Variants in DNASE1 observed in about 807,000 individuals in gnomAD.
DNASE1 encodes deoxyribonuclease-1.
In DNASE1, 40 loss-of-function variants were observed where a neutral mutation model predicts 33.9. That is an observed-to-expected ratio of 1.18 (90% CI 0.92 to 1.54). DNASE1 has a LOEUF of 1.54. Ranked by LOEUF, DNASE1 falls within the 40% of genes most tolerant of loss-of-function variation. DNASE1 has a pLI of 0.00. For missense variants in DNASE1, 518 were observed against 372.6 expected (o/e 1.39, Z -3.21); for synonymous variants, 216 against 160.0 (o/e 1.35, Z -2.64).
intron 1 of DNASE1, among the ~76,000 whole-genome samples, chr16:3,648,707 G>A (rs1425379199): frequency 6.6e-6 from 1 of 152,198 alleles, no homozygotes; most frequent in Non-Finnish European, 1.5e-5. Flanking sequence ...ACAAACTTAA[G>A]AGTTTACTAT....
intron 1 of DNASE1, among the ~76,000 whole-genome samples, chr16:3,618,587 G>A (rs776623764): frequency 3.9e-5 from 6 of 152,122 alleles, no homozygotes; most frequent in East Asian, 3.8e-4. Flanking sequence ...AAAATTAGCC[G>A]GGCTTGGTGG....
At chr16:3,637,256 T>G (rs779998131) in intron 1 of DNASE1, among the ~76,000 whole-genome samples, 10 of 152,212 alleles carry the variant, frequency 6.6e-5, no homozygotes, top group South Asian at 2.1e-4. Context: ...TAAAATTTCC[T>G]CCTGGGTCTG....
chr16:3,664,005 GTGAGCCGAGATCGCACCAC>G (rs1423958782), exon 10 of DNASE1: 6 of 391,352 alleles, frequency 1.5e-5, no homozygotes, highest in African/African-American at 2.1e-5. Flanking sequence ...GGAAGTTGCA[GTGAGCCGAGATCGCACCAC>G]TGCACTCTAG....
upstream of DNASE1, among the ~76,000 whole-genome samples, chr16:3,642,518 C>T (rs2042053202): frequency 6.6e-6 from 1 of 152,128 alleles, no homozygotes; most frequent in African/African-American, 2.4e-5. Flanking sequence ...CCCTCTGACA[C>T]ACCTTTCATC....
intron 1 of DNASE1, among the ~76,000 whole-genome samples, chr16:3,621,008 C>G (rs1312787099): frequency 6.6e-6 from 1 of 152,106 alleles, no homozygotes; most frequent in Non-Finnish European, 1.5e-5. Flanking sequence ...CCATATTGAC[C>G]AGGCTGATCT....
At chr16:3,655,758 C>T (rs1567208845) in intron 2 of DNASE1, 91 bp from the exon 3 acceptor site, 2 of 1,526,340 alleles carry the variant, frequency 1.3e-6, no homozygotes, top group African/African-American at 2.7e-5. Flanking sequence ...CCGAGCAATG[C>T]CACGAGCATC....
upstream of DNASE1, among the ~76,000 whole-genome samples, chr16:3,639,209 C>T (rs2041961895): frequency 6.6e-6 from 1 of 152,202 alleles, no homozygotes; most frequent in African/African-American, 2.4e-5. Context: ...CTCCCTTGCC[C>T]CATGCTGGTC....
At chr16:3,659,790 C>A (rs1045991227), downstream of DNASE1, 1 of 152,112 alleles carries the variant, frequency 6.6e-6, no homozygotes, top group Non-Finnish European at 1.5e-5. Context: ...GACTCTCACT[C>A]CTTCACCCAA....
exon 10 of DNASE1, chr16:3,663,756 G>A: frequency 1.6e-6 from 1 of 639,190 alleles, no homozygotes; most frequent in Non-Finnish European, 2.7e-6. Flanking sequence ...CTGCCTTCAA[G>A]GCAGAAGCAC....
chr16:3,617,199 G>A (rs57240243), intron 1 of DNASE1, among the ~76,000 whole-genome samples: 1,567 of 151,372 alleles, frequency 0.01, 24 homozygotes, highest in African/African-American at 0.034. Flanking sequence ...GGTGGTGTGC[G>A]CCCGTAATCC....
At chr16:3,624,957 A>T (rs1032178530) in intron 1 of DNASE1, among the ~76,000 whole-genome samples, 2 of 152,146 alleles carry the variant, frequency 1.3e-5, no homozygotes, top group Admixed American at 1.3e-4. Context: ...CCAGCCTCTC[A>T]CAGTCTGAGA....
chr16:3,662,546 T>G (rs2043144210), downstream of DNASE1: 1 of 551,642 alleles, frequency 1.8e-6, no homozygotes, highest in African/African-American at 1.9e-5. Flanking sequence ...AGCACCCAAG[T>G]GAGCATGTGA....
chr16:3,656,207 G>A (rs1413344449), intron 4 of DNASE1, 22 bp downstream of exon 4: 28 of 1,612,766 alleles, frequency 1.7e-5, no homozygotes, highest in Admixed American at 5.0e-5. Context: ...AGAAAGCCAG[G>A]AAGCCCCTCC....
At chr16:3,624,255 TGAGACTCTGTCTCAAAAAA>T (rs1262329465) in intron 1 of DNASE1, among the ~76,000 whole-genome samples, 1 of 147,638 alleles carries the variant, frequency 6.8e-6, no homozygotes, top group Admixed American at 6.8e-5. Flanking sequence ...GGCGACAGAG[TGAGACTCTGTCTCAAAAAA>T]AAAAAAAAAA....
chr16:3,639,535 T>C (rs547177988), upstream of DNASE1, among the ~76,000 whole-genome samples: 544 of 152,318 alleles, frequency 3.6e-3, 12 homozygotes, highest in Non-Finnish European at 1.4e-3. Flanking sequence ...GTGCGTGCTT[T>C]TGATCACACC....
At chr16:3,619,377 T>G (rs547884886) in intron 1 of DNASE1, among the ~76,000 whole-genome samples, 1 of 150,196 alleles carries the variant, frequency 6.7e-6, no homozygotes, top group South Asian at 2.1e-4. Context: ...TTATTTTTTT[T>G]TGGAGACAGA....
chr16:3,639,015 G>T (rs551001613), upstream of DNASE1, among the ~76,000 whole-genome samples: 1 of 152,012 alleles, frequency 6.6e-6, no homozygotes, highest in Admixed American at 6.6e-5. Flanking sequence ...AATATATGCC[G>T]AACTATTGTC....
In DNASE1 at chr16:3,657,083, T is replaced by C; in HGVS notation, c.521T>C (p.Leu174Pro). The part of the protein sequence containing the change: ...AEIDALYDVY[L>P]DVQEKWGLED... The stretch of plus-strand genomic sequence containing the variant: ...ATCGACGCTCTCTATGACGTCTACC[T>C]GGATGTCCAAGAGAAATGGGGCTTG... The change falls in exon 6 of 9, where the codon CTG becomes CCG. Residue 174 changes from leucine to proline, a missense_variant. Coordinates refer to ENST00000246949, the MANE Select transcript of DNASE1 (RefSeq NM_005223.4). 6.2e-7 allele frequency: 1 copy of C among 1,614,084 alleles called. No homozygotes were observed. Among genetic ancestry groups the C allele is most frequent in the Non-Finnish European group, 8.5e-7 (1 of 1,179,998 alleles).
chr16:3,656,768 G>C lies in DNASE1; in HGVS notation c.436+15G>C, dbSNP rs745539359. The C allele has an allele frequency of 6.3e-7, 1 of 1,592,728 alleles. No homozygotes were observed. The highest frequency in any genetic ancestry group is 8.5e-7 in the Non-Finnish European group (1 of 1,169,886). ...CCGGTTCACAGGTGGGTGCTGCCTG[G>C]GCCAGGGTGGGGCTCGGCTTGGCGC... On this transcript the variant is annotated intron_variant, in intron 5 of 8. Coordinates refer to ENST00000246949, the MANE Select transcript of DNASE1 (RefSeq NM_005223.4).
Sources: gnomAD v4.1 joint callset for allele counts (sites outside exome capture counted in the v4.1 genomes callset) on GRCh38, gnomAD v4.1.1 for gene constraint, MANE v1.5 for transcripts, NCBI Gene and HGNC (gene_info 2026-07-23, HGNC 2026-07-21) for gene names.